DPP10: variants seen among roughly 807,000 people sequenced by gnomAD.
The protein encoded by DPP10 is inactive dipeptidyl peptidase 10.
A neutral mutation model predicts 120.9 loss-of-function variants in DPP10; 33 were observed. That is an observed-to-expected ratio of 0.27 (90% CI 0.21 to 0.37). The LOEUF (loss-of-function observed/expected upper bound fraction) is 0.37, where lower values mean the gene tolerates loss of function less well. DPP10 is among the 10% of genes least tolerant of loss of function. The pLI is 1.00. For missense variants in DPP10, 816 were observed against 942.8 expected (o/e 0.87, Z 1.76); for synonymous variants, 337 against 326.1 (o/e 1.03, Z -0.36).
rs192268602 is a variant in DPP10 at position 115,086,734 on chromosome 2, C to A, written c.61-222505C>A. ...GCCTCCCAAAGTGCTGGGATTAGGG[C>A]GTGAGCCACCGTGCCCAGCCAAATC... On this transcript the variant is annotated intron_variant, in intron 1 of 25. Transcript: ENST00000410059. 9.7e-4 allele frequency among the ~76,000 whole-genome samples: 148 copies of A among 152,140 alleles called. 1 individual carries two copies. In the Middle Eastern group the frequency reaches 0.021, roughly 21 times the overall value.
intron 1 of DPP10, among the ~76,000 whole-genome samples, chr2:115,086,989 G>A (rs920140660): frequency 4.6e-5 from 7 of 152,144 alleles, no homozygotes; most frequent in African/African-American, 1.2e-4. Flanking sequence ...CTTAACTCAC[G>A]AGAGCAAACA....
At chr2:114,787,479 C>A (rs1231552109) in intron 1 of DPP10, among the ~76,000 whole-genome samples, 1 of 152,120 alleles carries the variant, frequency 6.6e-6, no homozygotes, top group Middle Eastern at 3.2e-3. Context: ...TTTAAGTATA[C>A]CTTTTATAAT....
chr2:114,755,791 G>T (rs1679675239), intron 1 of DPP10, among the ~76,000 whole-genome samples: 1 of 152,104 alleles, frequency 6.6e-6, no homozygotes, highest in Non-Finnish European at 1.5e-5. Flanking sequence ...CTAAAATAGG[G>T]AGTAGTCACA....
At chr2:115,510,538 T>C (rs1443987223) in intron 4 of DPP10, among the ~76,000 whole-genome samples, 2 of 152,248 alleles carry the variant, frequency 1.3e-5, no homozygotes, top group African/African-American at 4.8e-5. Context: ...AGTTCAGTCT[T>C]GACTGTTGTA....
At chr2:115,812,905 G>A (rs1054955973) in intron 19 of DPP10, among the ~76,000 whole-genome samples, 9 of 146,580 alleles carry the variant, frequency 6.1e-5, no homozygotes, top group African/African-American at 2.2e-4. Flanking sequence ...TTAGACCACA[G>A]AAGGCATTTA....
chr2:115,613,073 A>G (rs2149256923), intron 5 of DPP10, among the ~76,000 whole-genome samples: 1 of 152,268 alleles, frequency 6.6e-6, no homozygotes, highest in South Asian at 2.1e-4. Context: ...ATTTAGACAA[A>G]AGCTCAAGGA....
chr2:115,362,634 G>A (rs956357647), intron 3 of DPP10, among the ~76,000 whole-genome samples: 1 of 152,070 alleles, frequency 6.6e-6, no homozygotes, highest in Non-Finnish European at 1.5e-5. Context: ...TCATATAGTG[G>A]ATACGAAATT....
At chr2:115,289,747 G>A (rs1012307968) in intron 1 of DPP10, among the ~76,000 whole-genome samples, 1 of 152,070 alleles carries the variant, frequency 6.6e-6, no homozygotes, top group Admixed American at 6.6e-5. Flanking sequence ...ATCCACTGGG[G>A]AAAGGACACC....
chr2:114,489,280 G>C (rs1003663782), intron 1 of DPP10, among the ~76,000 whole-genome samples: 8 of 152,024 alleles, frequency 5.3e-5, no homozygotes, highest in Non-Finnish European at 8.8e-5. Flanking sequence ...CACAGAGACA[G>C]CCTTCCTGAG....
At chr2:115,760,953 C>T (rs963607021) in intron 11 of DPP10, among the ~76,000 whole-genome samples, 25 of 151,726 alleles carry the variant, frequency 1.6e-4, no homozygotes, top group African/African-American at 5.3e-4. Flanking sequence ...AAAAATTAGC[C>T]GGGCATGGTG....
intron 1 of DPP10, among the ~76,000 whole-genome samples, chr2:115,297,471 G>C (rs181617802): frequency 6.6e-5 from 10 of 152,024 alleles, no homozygotes; most frequent in Admixed American, 2.6e-4. Flanking sequence ...ATCAATATTT[G>C]ACATTCTAAA....
chr2:115,134,140 A>T (rs1283978073), intron 1 of DPP10, among the ~76,000 whole-genome samples: 1 of 152,204 alleles, frequency 6.6e-6, no homozygotes, highest in East Asian at 1.9e-4. Context: ...CATTAGGAAA[A>T]AGATCTTTTA....
At chr2:115,373,523 A>G in intron 3 of DPP10, among the ~76,000 whole-genome samples, 1 of 151,966 alleles carries the variant, frequency 6.6e-6, no homozygotes, top group East Asian at 1.9e-4. Flanking sequence ...ATATTATACC[A>G]GAGGGATTCC....
rs184037592 is a variant in DPP10, at chr2:115,460,718, G to A, written c.272-38792G>A. Among the ~76,000 whole-genome samples, 22 of 152,266 alleles carry A rather than the reference G, an allele frequency of 1.4e-4. No individual in the cohort carries two copies. In the East Asian group the frequency reaches 4.3e-3, roughly 29 times the overall value. On this transcript the variant is annotated intron_variant, in intron 3 of 25. Coordinates refer to ENST00000410059, the MANE Select transcript of DPP10 (RefSeq NM_020868.6). Reference sequence around the variant, plus strand: ...CGAGAAATGGCATAGGAAGATCACTGGAGGGTACACTGAGCATAAATTGAT... The same window carrying A: ...CGAGAAATGGCATAGGAAGATCACTAGAGGGTACACTGAGCATAAATTGAT...
intron 3 of DPP10, among the ~76,000 whole-genome samples, chr2:115,458,956 T>G (rs1574909496): frequency 6.6e-6 from 1 of 152,188 alleles, no homozygotes; most frequent in African/African-American, 2.4e-5. Context: ...GCACAACATT[T>G]TCTTTTTGCC....
At chr2:115,190,035 C>T (rs2054755404) in intron 1 of DPP10, among the ~76,000 whole-genome samples, 1 of 152,140 alleles carries the variant, frequency 6.6e-6, no homozygotes, top group South Asian at 2.1e-4. Context: ...GAGGTAAACT[C>T]CTCCGCTTTC....
Position 115,435,332 on chromosome 2 carries a change from C to T in DPP10, c.272-64178C>T, listed in dbSNP as rs2071397627. Reference sequence around the variant, plus strand: ...AGTGTGCAACAGTGTGCGAGAGTTACCCTTTCTCCACATCCTCGTTACCAT... The same window carrying T: ...AGTGTGCAACAGTGTGCGAGAGTTATCCTTTCTCCACATCCTCGTTACCAT... On this transcript the variant is annotated intron_variant, in intron 3 of 25. Transcript: ENST00000410059. 2.0e-5 allele frequency among the ~76,000 whole-genome samples: 3 copies of T among 151,754 alleles called. No homozygotes were observed. In the South Asian group the frequency reaches 6.2e-4, roughly 32 times the overall value.
intron 1 of DPP10, among the ~76,000 whole-genome samples, chr2:114,870,408 G>A (rs1322021823): frequency 6.6e-6 from 1 of 151,730 alleles, no homozygotes; most frequent in African/African-American, 2.4e-5. Flanking sequence ...AACAGTGATT[G>A]TAAACAGTAT....
At chr2:115,836,818 C>G in intron 24 of DPP10, 72 bp downstream of exon 24, 1 of 1,403,272 alleles carries the variant, frequency 7.1e-7, no homozygotes, top group Non-Finnish European at 9.7e-7. Flanking sequence ...TAAGGACTTG[C>G]TTACAGGAAG....
Sources: gnomAD v4.1 joint callset for allele counts (sites outside exome capture counted in the v4.1 genomes callset) on GRCh38, gnomAD v4.1.1 for gene constraint, MANE v1.5 for transcripts, NCBI Gene and HGNC (gene_info 2026-07-23, HGNC 2026-07-21) for gene names.